Variants in PCP4L1 observed in about 807,000 individuals in gnomAD.
PCP4L1 encodes the protein Purkinje cell protein 4 like 1, also known as Purkinje cell protein 4-like protein 1.
Under a neutral mutation model 9.6 loss-of-function variants are expected in PCP4L1, and 9 were observed. The ratio of observed to expected loss-of-function variants is 0.94; its 90% CI spans 0.57 to 1.64. The LOEUF (loss-of-function observed/expected upper bound fraction) is 1.64, where lower values mean the gene tolerates loss of function less well. Ranked by LOEUF, PCP4L1 falls within the 40% of genes most tolerant of loss-of-function variation. The pLI, the probability that PCP4L1 is intolerant of heterozygous loss-of-function variation, is 0.00. For missense variants in PCP4L1, 81 were observed against 80.8 expected, an observed-to-expected ratio of 1.00 and a Z score of -0.01; for synonymous variants, 31 against 28.2, an observed-to-expected ratio of 1.10 and a Z score of -0.31.
At chr1:161,277,177 C>T (rs908901539) in intron 1 of PCP4L1, among the ~76,000 whole-genome samples, 1 of 152,156 alleles carries the variant, frequency 6.6e-6, no homozygotes, top group Non-Finnish European at 1.5e-5. Context: ...TCTCTAAACA[C>T]TATCAATGAA....
intron 1 of PCP4L1, among the ~76,000 whole-genome samples, chr1:161,281,321 A>G (rs913829561): frequency 3.7e-4 from 56 of 150,348 alleles, no homozygotes; most frequent in African/African-American, 1.3e-3. Context: ...CAAAACCGCC[A>G]TTGTCATCAT....
chr1:161,264,799 A>C (rs1669502250), intron 1 of PCP4L1, among the ~76,000 whole-genome samples: 1 of 152,232 alleles, frequency 6.6e-6, no homozygotes, highest in South Asian at 2.1e-4. Flanking sequence ...ACTACACTCC[A>C]GCCTGGGCGA....
chr1:161,262,339 C>T (rs1024619897), intron 1 of PCP4L1, among the ~76,000 whole-genome samples: 5 of 143,646 alleles, frequency 3.5e-5, no homozygotes, highest in African/African-American at 1.0e-4. Flanking sequence ...GAGGCTGAGG[C>T]AGGAGAATGG....
At chr1:161,276,992 C>T (rs368674619) in intron 1 of PCP4L1, among the ~76,000 whole-genome samples, 8 of 152,052 alleles carry the variant, frequency 5.3e-5, no homozygotes, top group Non-Finnish European at 1.2e-4. Context: ...TGGCATTACA[C>T]CTATTATCTC....
At chr1:161,281,532 C>T (rs1669801730) in intron 1 of PCP4L1, among the ~76,000 whole-genome samples, 1 of 151,104 alleles carries the variant, frequency 6.6e-6, no homozygotes, top group Non-Finnish European at 1.5e-5. Context: ...CCACCTCCCT[C>T]CCGGACGGGG....
At chr1:161,273,433 C>A (rs114427841) in intron 1 of PCP4L1, among the ~76,000 whole-genome samples, 4,315 of 152,078 alleles carry the variant, frequency 0.028, 204 homozygotes, top group African/African-American at 0.099. Context: ...TCAAAACAAA[C>A]AAACAAACAA....
At chr1:161,279,997 G>A (rs4271232) in intron 1 of PCP4L1, among the ~76,000 whole-genome samples, 62,062 of 151,956 alleles carry the variant, frequency 0.41, 13,414 homozygotes, top group East Asian at 0.64. Context: ...GGGAACCTGG[G>A]AAAAAGCATA....
At chr1:161,259,820 G>T (rs1057351087) in intron 1 of PCP4L1, among the ~76,000 whole-genome samples, 7 of 152,188 alleles carry the variant, frequency 4.6e-5, no homozygotes, top group Non-Finnish European at 8.8e-5. Flanking sequence ...CTTGCCCTCT[G>T]CAACCTCTTT....
intron 1 of PCP4L1, among the ~76,000 whole-genome samples, chr1:161,261,786 G>T (rs1434603764): frequency 6.6e-6 from 1 of 152,194 alleles, no homozygotes; most frequent in African/African-American, 2.4e-5. Context: ...GTTTTGGCTG[G>T]CAGGGGCTGG....
chr1:161,272,598 A>G (rs1669641686), intron 1 of PCP4L1, among the ~76,000 whole-genome samples: 1 of 151,458 alleles, frequency 6.6e-6, no homozygotes. Flanking sequence ...CTCAATATTG[A>G]CAATTCCTAT....
At chr1:161,270,924 C>T (rs1669615591) in intron 1 of PCP4L1, among the ~76,000 whole-genome samples, 1 of 151,504 alleles carries the variant, frequency 6.6e-6, no homozygotes, top group Admixed American at 6.6e-5. Flanking sequence ...CCCCTTCTAC[C>T]ATGTGAGGAT....
intron 1 of PCP4L1, among the ~76,000 whole-genome samples, chr1:161,269,930 C>T (rs1669593833): frequency 6.6e-6 from 1 of 151,784 alleles, no homozygotes; most frequent in Non-Finnish European, 1.5e-5. Flanking sequence ...GCCCAGGAGG[C>T]CAAGGCTGCA....
intron 1 of PCP4L1, among the ~76,000 whole-genome samples, chr1:161,263,337 A>G (rs1669452589): frequency 6.6e-6 from 1 of 152,090 alleles, no homozygotes; most frequent in Admixed American, 6.6e-5. Flanking sequence ...TCCGGGGTTC[A>G]TGCAATTCTC....
intron 1 of PCP4L1, among the ~76,000 whole-genome samples, chr1:161,269,801 C>A (rs1571794502): frequency 6.6e-6 from 1 of 152,214 alleles, no homozygotes; most frequent in South Asian, 2.1e-4. Flanking sequence ...GAGTTTGAGA[C>A]CAGCCTGGGC....
intron 1 of PCP4L1, among the ~76,000 whole-genome samples, chr1:161,278,014 G>A (rs535482415): frequency 2.0e-5 from 3 of 152,240 alleles, no homozygotes; most frequent in African/African-American, 7.2e-5. Context: ...TTATGCACCA[G>A]ATCTATTTCC....
intron 1 of PCP4L1, among the ~76,000 whole-genome samples, chr1:161,283,210 A>G (rs1422713622): frequency 6.6e-6 from 1 of 152,122 alleles, no homozygotes; most frequent in African/African-American, 2.4e-5. Context: ...CTCCTGCCAG[A>G]TATCTATGAG....
intron 1 of PCP4L1, among the ~76,000 whole-genome samples, chr1:161,267,706 A>G (rs1047810391): frequency 1.4e-4 from 13 of 91,672 alleles, no homozygotes; most frequent in African/African-American, 6.9e-4. Flanking sequence ...CCACAATACT[A>G]TGTTTTGTTT....
At chr1:161,259,171 C>G (rs1046887932) in intron 1 of PCP4L1, among the ~76,000 whole-genome samples, 188 bp downstream of exon 1, 5 of 152,166 alleles carry the variant, frequency 3.3e-5, no homozygotes, top group Non-Finnish European at 2.9e-5. Flanking sequence ...AGACGGGGTG[C>G]TTTCAGTCTC....
At chr1:161,263,980 G>T (rs1349390401) in intron 1 of PCP4L1, among the ~76,000 whole-genome samples, 1 of 138,870 alleles carries the variant, frequency 7.2e-6, no homozygotes, top group African/African-American at 2.7e-5. Context: ...CGCCATTTTG[G>T]CTCACTGCAA....
Sources: gnomAD v4.1 joint callset for allele counts (sites outside exome capture counted in the v4.1 genomes callset) on GRCh38, gnomAD v4.1.1 for gene constraint, MANE v1.5 for transcripts, NCBI Gene and HGNC (gene_info 2026-07-23, HGNC 2026-07-21) for gene names.